Variants in CLSTN2 observed in about 807,000 individuals in gnomAD.
CLSTN2 encodes the protein calsyntenin 2.
CLSTN2 carries 48 observed loss-of-function variants against 101.2 expected under a neutral mutation model. That is an observed-to-expected ratio of 0.47 (90% CI 0.38 to 0.60). The LOEUF (loss-of-function observed/expected upper bound fraction) is 0.60. Among genes scored for constraint, CLSTN2 ranks in the 20% least tolerant of loss-of-function variants. The probability of loss-of-function intolerance (pLI) is 0.00; values close to 1 mark genes in which losing one functional copy is unlikely to be tolerated. For missense variants in CLSTN2, 1,160 were observed against 1,238.2 expected, an observed-to-expected ratio of 0.94 and a Z score of 0.95; for synonymous variants, 481 against 463.6, an observed-to-expected ratio of 1.04 and a Z score of -0.48.
At chr3:140,268,456 T>A (rs568710564) in intron 2 of CLSTN2, among the ~76,000 whole-genome samples, 2 of 152,244 alleles carry the variant, frequency 1.3e-5, no homozygotes, top group African/African-American at 4.8e-5. Flanking sequence ...CACTTTATAG[T>A]GTTATGGGTG....
chr3:140,013,458 G>A (rs2007130144), intron 1 of CLSTN2, among the ~76,000 whole-genome samples: 1 of 152,172 alleles, frequency 6.6e-6, no homozygotes, highest in Admixed American at 6.5e-5. Context: ...TGGAAGTGTG[G>A]GAATAGAAAG....
At chr3:140,079,665 C>T (rs561335986) in intron 1 of CLSTN2, among the ~76,000 whole-genome samples, 6 of 150,924 alleles carry the variant, frequency 4.0e-5, no homozygotes, top group South Asian at 2.1e-4. Context: ...GCAGGAGAAT[C>T]GCTTGAACCC....
rs763454601 is a variant in CLSTN2 at position 140,558,794 on chromosome 3, C to T, written c.1978C>T (p.Pro660Ser). The T allele has an allele frequency of 1.9e-6, 3 of 1,614,042 alleles. No individual in the cohort carries two copies. The highest frequency in any genetic ancestry group is 1.7e-5 in the Admixed American group (1 of 60,022). ...AAGTGCCAGGGGAGTGACCCTCTTCCCTGATATCAAGATTGTGAGCACCTT... is the reference window on the plus strand; with the variant it reads ...AAGTGCCAGGGGAGTGACCCTCTTCTCTGATATCAAGATTGTGAGCACCTT... Reference protein sequence around the residue: ...FESARGVTLFPDIKIVSTFAK... With the variant: ...FESARGVTLFSDIKIVSTFAK... Residue 660 changes from proline to serine, a missense_variant, in exon 12 of 17, where the codon CCT (proline) becomes TCT (serine). Physicochemically the swap from Pro to Ser is moderately conservative, Grantham distance 74. Coordinates refer to ENST00000458420, the MANE Select transcript of CLSTN2 (RefSeq NM_022131.3).
chr3:139,995,811 G>A (rs114504863), intron 1 of CLSTN2, among the ~76,000 whole-genome samples: 286 of 152,302 alleles, frequency 1.9e-3, no homozygotes, highest in African/African-American at 6.5e-3. Context: ...TGGCAGACAG[G>A]AACTTTAATA....
At chr3:140,468,670 G>A (rs1273597049) in intron 8 of CLSTN2, among the ~76,000 whole-genome samples, 5 of 152,204 alleles carry the variant, frequency 3.3e-5, no homozygotes, top group Non-Finnish European at 7.3e-5. Context: ...GCTTGCGCAA[G>A]GTCACACAGC....
intron 1 of CLSTN2, among the ~76,000 whole-genome samples, chr3:140,109,077 C>T (rs1043847549): frequency 2.0e-5 from 3 of 152,262 alleles, no homozygotes; most frequent in Admixed American, 6.5e-5. Flanking sequence ...TGGATGGAAA[C>T]CTAGGCACTG....
chr3:140,079,032 C>T (rs16849830), intron 1 of CLSTN2, among the ~76,000 whole-genome samples: 1,565 of 152,254 alleles, frequency 0.01, 31 homozygotes, highest in African/African-American at 0.035. Context: ...AGTCCTAGTT[C>T]TGTCTGTTAG....
At chr3:140,386,046 G>A (rs975685827) in intron 2 of CLSTN2, among the ~76,000 whole-genome samples, 9 of 152,130 alleles carry the variant, frequency 5.9e-5, no homozygotes, top group South Asian at 2.1e-4. Context: ...CAGCATGAAG[G>A]TGCCACCATT....
At chr3:140,505,738 AAGG>A (rs113776436) in intron 8 of CLSTN2, 2 of 152,266 alleles carry the variant, frequency 1.3e-5, no homozygotes, top group East Asian at 1.9e-4. Context: ...TTAAACTTGC[AAGG>A]AGGATTCCAC....
At chr3:140,333,515 G>A (rs749279597) in intron 2 of CLSTN2, among the ~76,000 whole-genome samples, 2 of 152,058 alleles carry the variant, frequency 1.3e-5, no homozygotes, top group Non-Finnish European at 2.9e-5. Context: ...TGTGCCCATG[G>A]TCTGACTACA....
intron 8 of CLSTN2, among the ~76,000 whole-genome samples, chr3:140,495,806 C>T (rs1316309567): frequency 6.6e-6 from 1 of 152,156 alleles, no homozygotes; most frequent in Non-Finnish European, 1.5e-5. Context: ...GTTATTTATT[C>T]TGTTCCATTG....
chr3:140,269,984 G>A (rs2086727557), intron 2 of CLSTN2, among the ~76,000 whole-genome samples: 1 of 152,172 alleles, frequency 6.6e-6, no homozygotes, highest in African/African-American at 2.4e-5. Flanking sequence ...CAAGAAAGAG[G>A]AAAAGCGGGC....
intron 1 of CLSTN2, among the ~76,000 whole-genome samples, chr3:140,162,360 C>T (rs966349839): frequency 6.6e-6 from 1 of 152,086 alleles, no homozygotes; most frequent in African/African-American, 2.4e-5. Flanking sequence ...CAGTATAGTA[C>T]TTGCTATGCT....
intron 1 of CLSTN2, among the ~76,000 whole-genome samples, chr3:140,088,311 C>G (rs901466805): frequency 4.6e-5 from 7 of 152,132 alleles, no homozygotes; most frequent in Admixed American, 4.6e-4. Flanking sequence ...TGATAATGGC[C>G]AGACAATGAG....
intron 1 of CLSTN2, among the ~76,000 whole-genome samples, chr3:139,949,508 A>G (rs570038777): frequency 6.6e-6 from 1 of 152,300 alleles, no homozygotes; most frequent in African/African-American, 2.4e-5. Flanking sequence ...GATACATTCA[A>G]GATGGGGAGA....
intron 1 of CLSTN2, among the ~76,000 whole-genome samples, chr3:140,090,935 C>T (rs2008770566): frequency 6.6e-6 from 1 of 152,038 alleles, no homozygotes; most frequent in Admixed American, 6.6e-5. Context: ...GGAATCTGAT[C>T]CTAAGAGAAG....
At chr3:140,129,360 A>G (rs1453680127) in intron 1 of CLSTN2, among the ~76,000 whole-genome samples, 1 of 152,186 alleles carries the variant, frequency 6.6e-6, no homozygotes, top group African/African-American at 2.4e-5. Context: ...AAAAATTACT[A>G]GCAAGGACTC....
At chr3:140,298,623 G>A (rs1278608631) in intron 2 of CLSTN2, among the ~76,000 whole-genome samples, 1 of 152,268 alleles carries the variant, frequency 6.6e-6, no homozygotes, top group East Asian at 1.9e-4. Flanking sequence ...GAGGTAACTT[G>A]CCCAGGATCA....
intron 2 of CLSTN2, among the ~76,000 whole-genome samples, chr3:140,257,369 A>T (rs1056491405): frequency 1.3e-5 from 2 of 152,194 alleles, no homozygotes; most frequent in African/African-American, 2.4e-5. Flanking sequence ...CATGTAATGA[A>T]AAAAGTCTTG....
Sources: allele counts gnomAD v4.1 joint callset (sites outside exome capture counted in the v4.1 genomes callset), GRCh38; gene constraint gnomAD v4.1.1; transcripts MANE v1.5; gene names NCBI Gene and HGNC (gene_info 2026-07-23, HGNC 2026-07-21).